Variants in TMEM196 observed in about 807,000 individuals in gnomAD.
TMEM196 encodes transmembrane protein 196.
Under a neutral mutation model 20.0 loss-of-function variants are expected in TMEM196, and 17 were observed. The ratio of observed to expected loss-of-function variants is 0.85; its 90% CI spans 0.58 to 1.27. TMEM196 has a LOEUF of 1.27. Ranked by LOEUF, TMEM196 falls within the 50% of genes most tolerant of loss-of-function variation. The pLI is 0.00. For missense variants in TMEM196, 267 were observed against 223.0 expected (o/e 1.20, Z -1.26); for synonymous variants, 113 against 88.9 (o/e 1.27, Z -1.52).
chr7:19,732,398 C>T (rs1784235042), intron 1 of TMEM196, among the ~76,000 whole-genome samples: 1 of 152,070 alleles, frequency 6.6e-6, no homozygotes, highest in Admixed American at 6.5e-5. Flanking sequence ...TATGGTGAAA[C>T]TCCGTCTCTA....
intron 4 of TMEM196, among the ~76,000 whole-genome samples, chr7:19,723,738 G>C (rs530520965): frequency 1.3e-5 from 2 of 152,222 alleles, no homozygotes; most frequent in South Asian, 4.1e-4. Context: ...TACTTTGTTT[G>C]AGCAAACCAA....
intron 1 of TMEM196, among the ~76,000 whole-genome samples, chr7:19,743,057 G>A (rs996268656): frequency 2.0e-5 from 3 of 152,144 alleles, no homozygotes; most frequent in African/African-American, 4.8e-5. Context: ...TCTAGATCCT[G>A]TTGACCTTTT....
intron 1 of TMEM196, among the ~76,000 whole-genome samples, chr7:19,755,963 A>T (rs1467499610): frequency 6.6e-6 from 1 of 151,784 alleles, no homozygotes; most frequent in Non-Finnish European, 1.5e-5. Flanking sequence ...TGGTGGGCAG[A>T]GGTTACAGTG....
chr7:19,742,458 A>T (rs940068056), intron 1 of TMEM196, among the ~76,000 whole-genome samples: 1 of 152,128 alleles, frequency 6.6e-6, no homozygotes, highest in Non-Finnish European at 1.5e-5. Context: ...TATTAATAAT[A>T]ATCCTGACTT....
At chr7:19,725,815 G>T in intron 2 of TMEM196, 47 bp from the exon 3 acceptor site, 1 of 1,542,478 alleles carries the variant, frequency 6.5e-7, no homozygotes, top group South Asian at 1.3e-5. Flanking sequence ...AGGCAAACCT[G>T]ACCAGAACAC....
intron 1 of TMEM196, among the ~76,000 whole-genome samples, chr7:19,770,871 T>C (rs1785843745): frequency 6.6e-6 from 1 of 152,156 alleles, no homozygotes; most frequent in African/African-American, 2.4e-5. Flanking sequence ...AACCATTTTT[T>C]AATTCTCAAA....
chr7:19,754,461 T>A (rs1257797019), intron 1 of TMEM196, among the ~76,000 whole-genome samples: 1 of 152,168 alleles, frequency 6.6e-6, no homozygotes, highest in Non-Finnish European at 1.5e-5. Flanking sequence ...AGAATATGAT[T>A]AAATGTTAAT....
intron 1 of TMEM196, among the ~76,000 whole-genome samples, chr7:19,764,332 G>C (rs1036813874): frequency 6.6e-6 from 1 of 152,194 alleles, no homozygotes; most frequent in Non-Finnish European, 1.5e-5. Flanking sequence ...AGGGTATCAA[G>C]AGCAGACCAG....
At chr7:19,753,633 T>G (rs1029030187) in intron 1 of TMEM196, among the ~76,000 whole-genome samples, 1 of 152,170 alleles carries the variant, frequency 6.6e-6, no homozygotes, top group Non-Finnish European at 1.5e-5. Context: ...CTTCACACTA[T>G]TCCCTAGGTG....
intron 1 of TMEM196, among the ~76,000 whole-genome samples, chr7:19,767,565 T>C (rs780432305): frequency 2.0e-5 from 3 of 152,034 alleles, no homozygotes; most frequent in Non-Finnish European, 4.4e-5. Context: ...AAAATAATGG[T>C]GCCTGATTTT....
At chr7:19,765,857 C>T (rs6977660) in intron 1 of TMEM196, among the ~76,000 whole-genome samples, 38,853 of 151,876 alleles carry the variant, frequency 0.26, 6,550 homozygotes, top group East Asian at 0.6. Context: ...AGATACATAC[C>T]ATTCAGGAAC....
intron 1 of TMEM196, among the ~76,000 whole-genome samples, chr7:19,737,808 A>G (rs1256770418): frequency 6.6e-6 from 1 of 151,894 alleles, no homozygotes. Context: ...AGGAAATAAA[A>G]CTATTCTGTA....
At chr7:19,739,053 A>T (rs1784500258) in intron 1 of TMEM196, among the ~76,000 whole-genome samples, 1 of 152,178 alleles carries the variant, frequency 6.6e-6, no homozygotes, top group South Asian at 2.1e-4. Flanking sequence ...TATCCTTCAT[A>T]CAATGTGATG....
At chr7:19,746,791 T>C (rs1000083560) in intron 1 of TMEM196, among the ~76,000 whole-genome samples, 5 of 152,252 alleles carry the variant, frequency 3.3e-5, no homozygotes, top group Non-Finnish European at 7.3e-5. Flanking sequence ...TTAATTGATT[T>C]GTATATTTTA....
In TMEM196 at chr7:19,725,670, G is replaced by C. The variant is rs751261124; in HGVS notation, c.303C>G (p.Tyr101Ter). 3.7e-6 allele frequency: 6 copies of C among 1,614,050 alleles called. No homozygotes were observed. The highest frequency in any genetic ancestry group is 1.3e-5 in the African/African-American group (1 of 75,042). Residue 101 changes from tyrosine (Y) to a stop codon, truncating the protein, a stop_gained, in exon 3 of 5, where the codon TAC (tyrosine) becomes TAG (stop). Coordinates refer to ENST00000405844, the MANE Select transcript of TMEM196 (RefSeq NM_001363562.2). LOFTEE classifies it high-confidence loss of function. ...RAVTKKTSSL[Y>*]PLHLASMSLA... ...GAGACATGGAGGCAAGGTGCAGTGG[G>C]TATAGGGAGGAAGTTTTCTTTGTGA...
intron 1 of TMEM196, among the ~76,000 whole-genome samples, chr7:19,757,544 G>A (rs1785269410): frequency 6.6e-6 from 1 of 151,708 alleles, no homozygotes; most frequent in Admixed American, 6.6e-5. Context: ...CCCAGTCAAT[G>A]CTTTCATCTT....
At chr7:19,760,086 A>G (rs969304922) in intron 1 of TMEM196, among the ~76,000 whole-genome samples, 5 of 152,042 alleles carry the variant, frequency 3.3e-5, no homozygotes, top group Non-Finnish European at 7.4e-5. Flanking sequence ...TAGGCTCACT[A>G]TCTCACTCAA....
At chr7:19,734,420 T>C (rs1171650322) in intron 1 of TMEM196, among the ~76,000 whole-genome samples, 1 of 152,156 alleles carries the variant, frequency 6.6e-6, no homozygotes, top group Non-Finnish European at 1.5e-5. Context: ...ATGAATATTA[T>C]AGGGTAAAAA....
chr7:19,739,002 C>G (rs1288765098), intron 1 of TMEM196, among the ~76,000 whole-genome samples: 1 of 152,044 alleles, frequency 6.6e-6, no homozygotes, highest in Non-Finnish European at 1.5e-5. Context: ...ATCAGGTGAC[C>G]AAGGTCAATG....
Sources: allele counts gnomAD v4.1 joint callset (sites outside exome capture counted in the v4.1 genomes callset), GRCh38; gene constraint gnomAD v4.1.1; transcripts MANE v1.5; gene names NCBI Gene and HGNC (gene_info 2026-07-23, HGNC 2026-07-21).